The following STMN1 variants were observed in gnomAD, a reference collection of about 807,000 sequenced individuals.
STMN1 encodes the protein stathmin 1.
Under a neutral mutation model 19.7 loss-of-function variants are expected in STMN1, and 3 were observed. That is an observed-to-expected ratio of 0.15 (90% CI 0.07 to 0.39). The LOEUF is 0.39. Ranked by LOEUF, STMN1 falls within the 10% of genes least tolerant of loss-of-function variation. The pLI, the probability that STMN1 is intolerant of heterozygous loss-of-function variation, is 1.00. For synonymous variants in STMN1, 59 were observed against 58.9 expected (o/e 1.00, Z -0.01); for missense variants, 99 against 176.0 (o/e 0.56, Z 2.48).
At chr1:25,885,980 A>C in intron 4 of STMN1, 1 of 1,353,100 alleles carries the variant, frequency 7.4e-7, no homozygotes, top group East Asian at 2.7e-5. Flanking sequence ...CTTTGCTACA[A>C]ATGGAATCAT....
At chr1:25,901,116 T>TAAA (rs1557483451) in intron 4 of STMN1, 29 bp from the exon 5 acceptor site, 1 of 969,024 alleles carries the variant, frequency 1.0e-6, no homozygotes. Flanking sequence ...GTGTCATCAG[T>TAAA]CAAAAAAAAA....
downstream of STMN1, among the ~76,000 whole-genome samples, chr1:25,896,111 T>C (rs936679219): frequency 4.0e-5 from 6 of 151,892 alleles, no homozygotes; most frequent in Non-Finnish European, 1.5e-5. Flanking sequence ...ACATGAGGAG[T>C]TGCAGTACAG....
chr1:25,893,399 TACC>T (rs887649281), intron 4 of STMN1, among the ~76,000 whole-genome samples: 4 of 152,156 alleles, frequency 2.6e-5, no homozygotes, highest in African/African-American at 9.7e-5. Context: ...AAGGTTCCTG[TACC>T]ACGACTCCCT....
At chr1:25,897,379 AAC>A (rs1012424902), downstream of STMN1, among the ~76,000 whole-genome samples, 1 of 152,192 alleles carries the variant, frequency 6.6e-6, no homozygotes, top group Non-Finnish European at 1.5e-5. Context: ...AACCACATTT[AAC>A]AGTGATTCAA....
intron 4 of STMN1, 30 bp from the exon 5 acceptor site, chr1:25,901,117 CAAA>C (rs58316569): frequency 0.046 from 51,934 of 1,126,436 alleles, no homozygotes; most frequent in East Asian, 0.072. Flanking sequence ...TGTCATCAGT[CAAA>C]AAAAAAAAAA....
At chr1:25,895,243 C>T (rs2048809097), downstream of STMN1, among the ~76,000 whole-genome samples, 1 of 151,926 alleles carries the variant, frequency 6.6e-6, no homozygotes, top group Admixed American at 6.6e-5. Flanking sequence ...GCTGGGACTA[C>T]AGGCACCCGC....
At chr1:25,895,952 C>T (rs1015330138), downstream of STMN1, among the ~76,000 whole-genome samples, 9 of 152,202 alleles carry the variant, frequency 5.9e-5, no homozygotes, top group Admixed American at 1.3e-4. Context: ...GGGAGTCACC[C>T]ACCCACTCAT....
chr1:25,899,240 C>T (rs2048847416), downstream of STMN1, among the ~76,000 whole-genome samples: 1 of 152,180 alleles, frequency 6.6e-6, no homozygotes, highest in African/African-American at 2.4e-5. Flanking sequence ...TGAACAAAAG[C>T]TCACTGCCAC....
At chr1:25,892,705 C>T (rs1404312105) in intron 4 of STMN1, 3 of 572,510 alleles carry the variant, frequency 5.2e-6, no homozygotes, top group Admixed American at 1.3e-4. Context: ...GCCTTCCTGG[C>T]CCGGGCACAC....
rs928962318 is a variant in STMN1, at chr1:25,906,132, C to T, written c.-63+257G>A. On this transcript the variant is annotated intron_variant, in intron 1 of 4. Transcript: ENST00000455785. This position sits in a 1 kb window ranked among gnomAD's most constrained non-coding sequence, Gnocchi z 4.5. Reference sequence around the variant, plus strand: ...CCCCCTATTGTCTCCTCGACGGCACCCCGGAGCGGACGCCCGGTGATCGCC... The same window carrying T: ...CCCCCTATTGTCTCCTCGACGGCACTCCGGAGCGGACGCCCGGTGATCGCC... 6.6e-6 allele frequency: 1 copy of T among 152,288 alleles called. No homozygotes were observed. The highest frequency in any genetic ancestry group is 2.4e-5 in the African/African-American group (1 of 41,446). The allele number at this position is 152,288 out of a possible 1,614,324, so 9.4% of individuals were successfully genotyped here.
At chr1:25,896,533 C>G (rs1172375046), downstream of STMN1, among the ~76,000 whole-genome samples, 2 of 152,156 alleles carry the variant, frequency 1.3e-5, no homozygotes, top group African/African-American at 4.8e-5. Flanking sequence ...ATTTCAGCAG[C>G]CTACTTGTCT....
intron 3 of STMN1, chr1:25,901,964 C>T (rs1277796451): frequency 2.3e-5 from 5 of 218,820 alleles, no homozygotes; most frequent in Non-Finnish European, 4.5e-5. Context: ...GAACTGAGAT[C>T]GTGCCACTGC....
At chr1:25,903,428 G>C (rs2048897819) in intron 3 of STMN1, 4 of 556,078 alleles carry the variant, frequency 7.2e-6, no homozygotes, top group African/African-American at 1.9e-5. Flanking sequence ...CATTATTTGA[G>C]GCAACACCAT....
At chr1:25,886,579 CTTTTT>C (rs34974254) in intron 4 of STMN1, among the ~76,000 whole-genome samples, 5 of 94,390 alleles carry the variant, frequency 5.3e-5, no homozygotes, top group South Asian at 4.0e-4. Flanking sequence ...ACCCCCACCA[CTTTTT>C]TTTTTTTTTT....
At chr1:25,890,630 C>T (rs1449437121) in intron 4 of STMN1, among the ~76,000 whole-genome samples, 1 of 152,218 alleles carries the variant, frequency 6.6e-6, no homozygotes, top group Admixed American at 6.5e-5. Context: ...GCAGCCCCAG[C>T]TTCTCGGGGC....
At chr1:25,888,852 G>A (rs528938441) in intron 4 of STMN1, 78 of 253,284 alleles carry the variant, frequency 3.1e-4, no homozygotes, top group African/African-American at 1.5e-3. Flanking sequence ...AAAGGAGGAT[G>A]GGAAAAGGGC....
At chr1:25,899,797 C>A (rs72881375), downstream of STMN1, among the ~76,000 whole-genome samples, 2,218 of 152,144 alleles carry the variant, frequency 0.015, 53 homozygotes, top group African/African-American at 0.05. Flanking sequence ...TCTCAAGATA[C>A]AGCCCAAGCA....
intron 4 of STMN1, among the ~76,000 whole-genome samples, chr1:25,893,061 T>G (rs1364611544): frequency 6.6e-6 from 1 of 152,242 alleles, no homozygotes; most frequent in African/African-American, 2.4e-5. Flanking sequence ...AAGCACTTAC[T>G]GCTACTAAAT....
At chr1:25,903,255 G>C (rs2048895622) in intron 3 of STMN1, 1 of 179,128 alleles carries the variant, frequency 5.6e-6, no homozygotes, top group African/African-American at 2.4e-5. Flanking sequence ...CAAAACCAAA[G>C]TGCCAAAGAA....
Sources: gnomAD v4.1 joint callset for allele counts (sites outside exome capture counted in the v4.1 genomes callset) on GRCh38, gnomAD v4.1.1 for gene constraint, Gnocchi (gnomAD v3.1) non-coding constraint, MANE v1.5 for transcripts, NCBI Gene and HGNC (gene_info 2026-07-23, HGNC 2026-07-21) for gene names.